The following SGCZ variants were observed in gnomAD, a reference collection of about 807,000 sequenced individuals.
SGCZ encodes the protein sarcoglycan zeta, also known as zeta-sarcoglycan.
SGCZ carries 40 observed loss-of-function variants against 41.3 expected under a neutral mutation model. That is an observed-to-expected ratio of 0.97 (90% confidence interval 0.75 to 1.26). The LOEUF (loss-of-function observed/expected upper bound fraction) is 1.26. SGCZ is among the 50% of genes most tolerant of loss of function. The pLI is 0.00. For missense variants in SGCZ, 552 were observed against 369.8 expected (o/e 1.49, Z -4.04); for synonymous variants, 206 against 137.5 (o/e 1.50, Z -3.49).
chr8:14,241,420 T>C (rs1563206339), intron 3 of SGCZ, among the ~76,000 whole-genome samples: 1 of 148,818 alleles, frequency 6.7e-6, no homozygotes, highest in Non-Finnish European at 1.5e-5. Flanking sequence ...TATTTATATA[T>C]AGCATGATAA....
chr8:14,911,758 T>A (rs1176941026), intron 1 of SGCZ, among the ~76,000 whole-genome samples: 1 of 151,886 alleles, frequency 6.6e-6, no homozygotes, highest in Non-Finnish European at 1.5e-5. Context: ...TGATTACCAT[T>A]TTTACCTCTT....
intron 1 of SGCZ, among the ~76,000 whole-genome samples, chr8:14,768,545 G>C (rs1440774885): frequency 1.3e-5 from 2 of 152,170 alleles, no homozygotes; most frequent in Non-Finnish European, 2.9e-5. Flanking sequence ...TGGATGAAAG[G>C]AGTAATAATA....
intron 3 of SGCZ, among the ~76,000 whole-genome samples, chr8:14,240,681 GAACCAA>G (rs1364190468): frequency 1.3e-5 from 2 of 152,134 alleles, no homozygotes; most frequent in African/African-American, 4.8e-5. Flanking sequence ...CAAGTGATCT[GAACCAA>G]AACCAAGTAT....
At chr8:14,714,913 G>T (rs565837253) in intron 1 of SGCZ, among the ~76,000 whole-genome samples, 1 of 152,142 alleles carries the variant, frequency 6.6e-6, no homozygotes, top group South Asian at 2.1e-4. Flanking sequence ...ATCAATGTGA[G>T]ACTTTCTTTT....
intron 1 of SGCZ, among the ~76,000 whole-genome samples, chr8:14,757,057 C>CT (rs985104215): frequency 3.5e-4 from 53 of 151,434 alleles, no homozygotes; most frequent in African/African-American, 8.0e-4. Flanking sequence ...TCAACTTTTT[C>CT]TTTTTTTTTG....
At chr8:14,862,364 G>A (rs953347233) in intron 1 of SGCZ, among the ~76,000 whole-genome samples, 1 of 151,858 alleles carries the variant, frequency 6.6e-6, no homozygotes, top group African/African-American at 2.4e-5. Flanking sequence ...AGATCACTAA[G>A]TGTGGCTGTT....
intron 7 of SGCZ, among the ~76,000 whole-genome samples, chr8:14,093,698 G>GA (rs940167320): frequency 9.2e-5 from 14 of 151,938 alleles, no homozygotes; most frequent in Non-Finnish European, 1.2e-4. Flanking sequence ...AATTAAGCCA[G>GA]AAAAAGAATT....
chr8:14,342,862 GA>G (rs1802759199), intron 2 of SGCZ, among the ~76,000 whole-genome samples: 1 of 152,168 alleles, frequency 6.6e-6, no homozygotes, highest in Non-Finnish European at 1.5e-5. Flanking sequence ...CCATGACAGC[GA>G]CCTTCACCGA....
Position 15,019,911 on chromosome 8 carries a change from G to C in SGCZ, c.39+217674C>G, listed in dbSNP as rs191664714. Among the ~76,000 whole-genome samples the C allele has an allele frequency of 1.6e-3, 240 of 150,176 alleles. 2 individuals carry two copies. Among genetic ancestry groups the C allele is most frequent in the African/African-American group, 5.1e-3 (207 of 40,744 alleles). The stretch of plus-strand genomic sequence containing the variant: ...TATTCAAGTAGTCTCATGCAGATTA[G>C]CTTTGCATTCAGGGATTAGGTAGAA... On this transcript the variant is annotated intron_variant, in intron 1 of 7. Coordinates refer to ENST00000382080, the MANE Select transcript of SGCZ (RefSeq NM_139167.4).
intron 1 of SGCZ, among the ~76,000 whole-genome samples, chr8:14,628,999 T>C (rs752301502): frequency 6.6e-6 from 1 of 152,140 alleles, no homozygotes; most frequent in East Asian, 1.9e-4. Context: ...TAACACAGGA[T>C]GTTTGCAAAA....
intron 1 of SGCZ, among the ~76,000 whole-genome samples, chr8:15,124,789 G>C (rs1234568096): frequency 6.6e-6 from 1 of 151,964 alleles, no homozygotes; most frequent in African/African-American, 2.4e-5. Flanking sequence ...GCATTTTTGT[G>C]CAAATTCATC....
At chr8:15,202,729 T>C (rs547607479) in intron 1 of SGCZ, among the ~76,000 whole-genome samples, 30 of 152,338 alleles carry the variant, frequency 2.0e-4, no homozygotes, top group South Asian at 8.3e-4. Flanking sequence ...TATTTCTGAA[T>C]TGATAGTAGG....
At chr8:14,677,848 A>T (rs999245545) in intron 1 of SGCZ, among the ~76,000 whole-genome samples, 4 of 152,234 alleles carry the variant, frequency 2.6e-5, no homozygotes, top group Non-Finnish European at 5.9e-5. Flanking sequence ...CAGCTAAAAT[A>T]ACATTGAAGG....
chr8:14,383,973 TTTA>T (rs532563411), intron 2 of SGCZ, among the ~76,000 whole-genome samples: 2 of 151,762 alleles, frequency 1.3e-5, no homozygotes, highest in Non-Finnish European at 2.9e-5. Flanking sequence ...TTTTTTAAAT[TTTA>T]TTATTATTAT....
intron 2 of SGCZ, among the ~76,000 whole-genome samples, chr8:14,520,670 G>A (rs931871433): frequency 1.3e-5 from 2 of 151,972 alleles, no homozygotes; most frequent in South Asian, 2.1e-4. Flanking sequence ...AAAGAGAGAA[G>A]TGATTAAAAA....
rs543646913 is a variant in SGCZ, at chr8:14,120,454, T to C, written c.548-12219A>G. ...GAAACATTTCATTTAGGAACAGGGATATTTCACTTAAGAACATTACACAAA... is the reference window on the plus strand; with the variant it reads ...GAAACATTTCATTTAGGAACAGGGACATTTCACTTAAGAACATTACACAAA... On this transcript the variant is annotated intron_variant, in intron 5 of 7. Transcript: ENST00000382080. Among the ~76,000 whole-genome samples, 10 of 152,244 alleles carry C rather than the reference T, an allele frequency of 6.6e-5. No homozygotes were observed. The East Asian group carries it at 1.9e-3, about 29-fold the overall frequency.
intron 2 of SGCZ, among the ~76,000 whole-genome samples, chr8:14,509,806 C>T (rs1214866503): frequency 6.6e-6 from 1 of 152,048 alleles, no homozygotes; most frequent in Non-Finnish European, 1.5e-5. Flanking sequence ...GAAGGGAAAA[C>T]AGTCACATTT....
chr8:14,642,738 T>C (rs1162657258), intron 1 of SGCZ, among the ~76,000 whole-genome samples: 2 of 151,540 alleles, frequency 1.3e-5, no homozygotes, highest in Non-Finnish European at 3.0e-5. Context: ...GTCAGATTTA[T>C]AGATTTTTCA....
At chr8:15,031,068 T>C (rs998516773) in intron 1 of SGCZ, among the ~76,000 whole-genome samples, 28 of 151,414 alleles carry the variant, frequency 1.8e-4, no homozygotes, top group Admixed American at 5.3e-4. Flanking sequence ...ATATTTCGCG[T>C]GTGTGTGTGT....
Sources: allele counts gnomAD v4.1 joint callset (sites outside exome capture counted in the v4.1 genomes callset), GRCh38; gene constraint gnomAD v4.1.1; transcripts MANE v1.5; gene names NCBI Gene and HGNC (gene_info 2026-07-23, HGNC 2026-07-21).